The following ARID3A variants were observed in gnomAD, a reference collection of about 807,000 sequenced individuals.
ARID3A encodes AT-rich interactive domain-containing protein 3A.
ARID3A carries 11 observed loss-of-function variants against 52.7 expected under a neutral mutation model. The ratio of observed to expected loss-of-function variants is 0.21; its 90% CI spans 0.13 to 0.35. The LOEUF is 0.35. ARID3A is among the 10% of genes least tolerant of loss of function. The pLI, the probability that ARID3A is intolerant of heterozygous loss-of-function variation, is 1.00. For missense variants in ARID3A, 721 were observed against 838.5 expected, an observed-to-expected ratio of 0.86 and a Z score of 1.73; for synonymous variants, 404 against 359.4, an observed-to-expected ratio of 1.12 and a Z score of -1.40.
intron 3 of ARID3A, 85 bp downstream of exon 3, chr19:932,827 T>G (rs545047180): frequency 6.6e-7 from 1 of 1,511,220 alleles, no homozygotes; most frequent in Non-Finnish European, 8.8e-7. Context: ...GCACGGGGTG[T>G]GTGCTGAGCC....
At chr19:948,405 T>A (rs1293325729) in intron 3 of ARID3A, among the ~76,000 whole-genome samples, 1 of 152,022 alleles carries the variant, frequency 6.6e-6, no homozygotes. Flanking sequence ...AACAGCGAGA[T>A]TCAAAATCCC....
chr19:949,505 G>A (rs1472633306), intron 3 of ARID3A, among the ~76,000 whole-genome samples: 1 of 151,988 alleles, frequency 6.6e-6, no homozygotes, highest in Non-Finnish European at 1.5e-5. Flanking sequence ...AGCTTCTTAC[G>A]GCCTCTTTCT....
chr19:970,400 A>G (rs1270521092), intron 8 of ARID3A, among the ~76,000 whole-genome samples: 1 of 151,162 alleles, frequency 6.6e-6, no homozygotes, highest in Non-Finnish European at 1.5e-5. Flanking sequence ...TAATCCCAAC[A>G]CTTTGGGAGG....
intron 3 of ARID3A, among the ~76,000 whole-genome samples, chr19:933,850 G>C (rs574601430): frequency 6.7e-6 from 1 of 148,194 alleles, no homozygotes; most frequent in Non-Finnish European, 1.5e-5. Context: ...ACTCGGTGGG[G>C]GGGGGGGGCG....
rs557017356 is a variant in ARID3A, at chr19:941,272, C to G, written c.693+8530C>G. 1.5e-4 allele frequency among the ~76,000 whole-genome samples: 23 copies of G among 152,348 alleles called. No homozygotes were observed. The highest frequency in any genetic ancestry group is 4.6e-4 in the African/African-American group (19 of 41,592). On this transcript the variant is annotated intron_variant, in intron 3 of 8. Coordinates refer to ENST00000263620, the MANE Select transcript of ARID3A (RefSeq NM_005224.3). The surrounding 1 kb of genome is among the most constrained non-coding windows in gnomAD (Gnocchi z 6.9). ...CGAGTGTGCACGCTGGGGCTGTGGCCGGGCGGCTCGTGGGTCCTGTCTCGT... is the reference window on the plus strand; with the variant it reads ...CGAGTGTGCACGCTGGGGCTGTGGCGGGGCGGCTCGTGGGTCCTGTCTCGT...
intron 3 of ARID3A, among the ~76,000 whole-genome samples, chr19:956,017 C>G (rs572774317): frequency 6.6e-6 from 1 of 152,326 alleles, no homozygotes; most frequent in Non-Finnish European, 1.5e-5. Flanking sequence ...ATGTGGCCGG[C>G]CTCTGTCTCT....
rs1298747630 is a variant in ARID3A at position 947,107 on chromosome 19, CT to C, written c.694-12984del. ...ACTGTGCCCAGCCCACACTGAGATTCTGCATTGAAATGTTTGCTGGGTGCCC... is the reference window on the plus strand; with the variant it reads ...ACTGTGCCCAGCCCACACTGAGATTCGCATTGAAATGTTTGCTGGGTGCCC... On this transcript the variant is annotated intron_variant, in intron 3 of 8. Coordinates refer to ENST00000263620, the MANE Select transcript of ARID3A (RefSeq NM_005224.3). This position sits in a 1 kb window ranked among gnomAD's most constrained non-coding sequence, Gnocchi z 6.3. Among the ~76,000 whole-genome samples the C allele has an allele frequency of 2.0e-5, 3 of 152,224 alleles. No individual in the cohort carries two copies. The highest frequency in any genetic ancestry group is 3.4e-3 in the Middle Eastern group (1 of 294).
chr19:955,487 G>A (rs2037898481), intron 3 of ARID3A, among the ~76,000 whole-genome samples: 1 of 152,214 alleles, frequency 6.6e-6, no homozygotes, highest in Non-Finnish European at 1.5e-5. Context: ...CATTTGGCCT[G>A]GGAGTTAATG....
At chr19:932,359 C>A in intron 2 of ARID3A, 59 bp from the exon 3 acceptor site, 1 of 1,563,974 alleles carries the variant, frequency 6.4e-7, no homozygotes, top group South Asian at 1.2e-5. Context: ...GTGGGTCTTT[C>A]CTTGGGCTGG....
chr19:945,542 A>C (rs1384723511), intron 3 of ARID3A, among the ~76,000 whole-genome samples: 1 of 152,172 alleles, frequency 6.6e-6, no homozygotes. Flanking sequence ...GCTGCTGCCC[A>C]TGGTAGGGGC....
chr19:974,581 C>T lies in ARID3A; in HGVS notation c.*2516C>T, dbSNP rs1475861659. The T allele has an allele frequency of 3.9e-5, 9 of 230,128 alleles. No homozygotes were observed. The highest frequency in any genetic ancestry group is 6.9e-5 in the Non-Finnish European group (8 of 116,202). 14.3% of individuals were successfully genotyped at this position (230,128 alleles called of 1,614,324 possible). A position where few individuals can be genotyped will look rare whatever the true frequency, so the allele number is the denominator to read the frequency against. On this transcript the variant is annotated 3_prime_UTR_variant, in exon 9 of 9. Transcript: ENST00000263620. ...TCTGAGCCCCTGGGGTGCCTCTCCC[C>T]CGCCTCCCGTGCACCAGGGTCTGCA... is the stretch of plus-strand genomic sequence containing the variant.
intron 3 of ARID3A, among the ~76,000 whole-genome samples, chr19:951,603 C>T (rs765180353): frequency 4.6e-5 from 7 of 152,026 alleles, no homozygotes; most frequent in Non-Finnish European, 7.4e-5. Context: ...CAGAGTTCCC[C>T]GGCTGGTCTG....
At chr19:954,927 G>A (rs2037885802) in intron 3 of ARID3A, among the ~76,000 whole-genome samples, 1 of 152,184 alleles carries the variant, frequency 6.6e-6, no homozygotes, top group African/African-American at 2.4e-5. Flanking sequence ...CGGCGTGGAG[G>A]GGAGTGCGGG....
intron 3 of ARID3A, among the ~76,000 whole-genome samples, chr19:943,968 G>A (rs1444259817): frequency 6.6e-6 from 1 of 151,400 alleles, no homozygotes; most frequent in Non-Finnish European, 1.5e-5. Context: ...CACTTACGGG[G>A]CACCTGCTGT....
intron 3 of ARID3A, among the ~76,000 whole-genome samples, chr19:948,702 C>CTTTTT (rs35592836): frequency 9.1e-5 from 7 of 77,286 alleles, no homozygotes; most frequent in Admixed American, 3.4e-4. Context: ...GGCCTGGAGT[C>CTTTTT]TTTTTTTTTT....
intron 3 of ARID3A, among the ~76,000 whole-genome samples, chr19:939,527 T>G (rs1262249526): frequency 1.3e-5 from 2 of 152,274 alleles, no homozygotes; most frequent in Admixed American, 6.5e-5. Context: ...CTCTAGGGCA[T>G]GAGCCGCATG....
intron 3 of ARID3A, among the ~76,000 whole-genome samples, chr19:940,785 G>A (rs1166065119): frequency 5.3e-5 from 8 of 152,186 alleles, no homozygotes; most frequent in Non-Finnish European, 1.2e-4. Context: ...CGGGAGCCCC[G>A]GCTGCACGTG....
intron 2 of ARID3A, among the ~76,000 whole-genome samples, chr19:931,031 C>T (rs1037783288): frequency 3.3e-5 from 5 of 151,986 alleles, no homozygotes; most frequent in African/African-American, 4.8e-5. Flanking sequence ...CAGTGGCTCA[C>T]GCCTGTAATC....
intron 3 of ARID3A, among the ~76,000 whole-genome samples, chr19:946,225 GT>G (rs1041066935): frequency 2.0e-5 from 3 of 151,502 alleles, no homozygotes; most frequent in South Asian, 2.1e-4. Flanking sequence ...TTATTTTTTT[GT>G]TTTTTTTACT....
Sources: allele counts gnomAD v4.1 joint callset (sites outside exome capture counted in the v4.1 genomes callset), GRCh38; gene constraint gnomAD v4.1.1; non-coding constraint Gnocchi (gnomAD v3.1); transcripts MANE v1.5; gene names NCBI Gene and HGNC (gene_info 2026-07-23, HGNC 2026-07-21).